The following ITGA4 variants were observed in gnomAD, a reference collection of about 807,000 sequenced individuals.
ITGA4 encodes the protein integrin subunit alpha 4.
In ITGA4, 63 loss-of-function variants were observed where a neutral mutation model predicts 133.6. The observed-to-expected ratio is 0.47, with a 90% CI of 0.38 to 0.58. The LOEUF (loss-of-function observed/expected upper bound fraction) is 0.58. ITGA4 is among the 20% of genes least tolerant of loss of function. The pLI, the probability that ITGA4 is intolerant of heterozygous loss-of-function variation, is 0.00. For missense variants in ITGA4, 1,076 were observed against 1,252.7 expected, an observed-to-expected ratio of 0.86 and a Z score of 2.13; for synonymous variants, 483 against 438.0, an observed-to-expected ratio of 1.10 and a Z score of -1.28.
chr2:181,480,117 T>C lies in ITGA4; in HGVS notation c.625-20T>C. The C allele has an allele frequency of 7.2e-7, 1 of 1,384,064 alleles. No homozygotes were observed. The highest frequency in any genetic ancestry group is 9.5e-7 in the Non-Finnish European group (1 of 1,052,008). 85.7% of individuals were successfully genotyped at this position (1,384,064 alleles called of 1,614,324 possible). On this transcript the variant is annotated intron_variant, in intron 5 of 27. Transcript: ENST00000397033. ...GGTGAGATTAAAGTTTAAATAATAA[T>C]AGTTTTTTTTTTCTTACAGGATTTA...
In ITGA4 at chr2:181,537,830, AC is replaced by A; in HGVS notation, c.*2304del. On this transcript the variant is annotated 3_prime_UTR_variant, in exon 28 of 28. Coordinates refer to ENST00000397033, the MANE Select transcript of ITGA4 (RefSeq NM_000885.6). ...AAGCCCTAGAGGCTAATTGTTAGTA[AC>A]ATCAATTTCTATTAGGATATCCGTT... is the stretch of plus-strand genomic sequence containing the variant. The A allele has an allele frequency of 2.1e-6, 1 of 483,954 alleles. No individual in the cohort carries two copies. Among genetic ancestry groups the A allele is most frequent in the Non-Finnish European group, 4.1e-6 (1 of 246,812 alleles). The allele number at this position is 483,954 out of a possible 1,614,324, so 30.0% of individuals were successfully genotyped here.
intron 9 of ITGA4, 27 bp downstream of exon 9, chr2:181,482,678 C>T (rs759756787): frequency 6.2e-7 from 1 of 1,603,502 alleles, no homozygotes; most frequent in Non-Finnish European, 8.5e-7. Context: ...CAACTGGAAG[C>T]CATTTATGGA....
intron 16 of ITGA4, among the ~76,000 whole-genome samples, chr2:181,511,068 C>T (rs17304344): frequency 0.25 from 38,297 of 151,884 alleles, 5,298 homozygotes; most frequent in Non-Finnish European, 0.31. Flanking sequence ...CTGTCTCTCT[C>T]TACCTGTTCC....
intron 2 of ITGA4, among the ~76,000 whole-genome samples, chr2:181,470,675 A>G (rs967737943): frequency 5.3e-5 from 8 of 151,952 alleles, no homozygotes; most frequent in African/African-American, 1.9e-4. Flanking sequence ...CTGATCATGT[A>G]GCAGTCTTAC....
At position 181,537,735 on chromosome 2, in the gene ITGA4, ATTGTAAAAAAAAGAAT is replaced by A. The variant is rs1169684810; in HGVS notation, c.*2212_*2227del. 1 of 441,138 alleles carries A rather than the reference ATTGTAAAAAAAAGAAT, an allele frequency of 2.3e-6. No individual in the cohort carries two copies. The highest frequency in any genetic ancestry group is 1.6e-5 in the South Asian group (1 of 61,988). The allele number at this position is 441,138 out of a possible 1,614,324, so 27.3% of individuals were successfully genotyped here. A position where few individuals can be genotyped will look rare whatever the true frequency, so the allele number is the denominator to read the frequency against. On this transcript the variant is annotated 3_prime_UTR_variant, in exon 28 of 28. Transcript: ENST00000397033. ...GTTTTTTTGTGTGTCCAATAAACACATTGTAAAAAAAAGAATTTGAATTGATATCTAAAAACAGAAT... is the reference window on the plus strand; with the variant it reads ...GTTTTTTTGTGTGTCCAATAAACACATTGAATTGATATCTAAAAACAGAAT...
chr2:181,514,565 T>C (rs1470809450), intron 17 of ITGA4, among the ~76,000 whole-genome samples: 2 of 152,106 alleles, frequency 1.3e-5, no homozygotes, highest in African/African-American at 4.8e-5. Flanking sequence ...GAATAACTTA[T>C]AATCTTCCCA....
chr2:181,538,194 A>G lies in ITGA4; in HGVS notation c.*2667A>G, dbSNP rs1383978173. 5.1e-6 allele frequency: 8 copies of G among 1,576,864 alleles called. No homozygotes were observed. The highest frequency in any genetic ancestry group is 6.1e-6 in the Non-Finnish European group (7 of 1,147,444). On this transcript the variant is annotated 3_prime_UTR_variant, in exon 28 of 28. Transcript: ENST00000397033. ...AGAAACAATTACATGTTACTTTGGA[A>G]TCATTTCTTCCATGCTTCCTCCATA...
At chr2:181,524,738 C>T (rs1686798326) in intron 20 of ITGA4, among the ~76,000 whole-genome samples, 2 of 151,980 alleles carry the variant, frequency 1.3e-5, no homozygotes, top group Non-Finnish European at 2.9e-5. Flanking sequence ...ATAAGTAAAA[C>T]TGATTATAAA....
At position 181,534,320 on chromosome 2, in the gene ITGA4, G is replaced by C. The variant is rs1324808411; in HGVS notation, c.2833G>C (p.Glu945Gln). The C allele has an allele frequency of 6.2e-7, 1 of 1,611,844 alleles. No individual in the cohort carries two copies. Among genetic ancestry groups the C allele is most frequent in the South Asian group, 1.1e-5 (1 of 91,006 alleles). The change falls in exon 26 of 28, where the codon GAG becomes CAG. Residue 945 changes from glutamate (E) to glutamine (Q), a missense_variant. Glu to Gln is a conservative substitution (Grantham distance 29). Coordinates refer to ENST00000397033, the MANE Select transcript of ITGA4 (RefSeq NM_000885.6). The part of the protein sequence containing the change: ...KFEIRATGFP[E>Q]PNPRVIELNK... ...TGAAATAAGAGCAACAGGTTTTCCA[G>C]AGCCAAATCCAAGAGTAATTGAACT...
At chr2:181,525,172 AT>A (rs1424491528) in intron 20 of ITGA4, 29 bp from the exon 21 acceptor site, 1 of 1,287,196 alleles carries the variant, frequency 7.8e-7, no homozygotes, top group Non-Finnish European at 1.1e-6. Context: ...TGCTTGGTGA[AT>A]TCTAACAGGG....
chr2:181,498,783 G>A lies in ITGA4; in HGVS notation c.1695+6G>A, dbSNP rs771551731. 21 of 1,584,808 alleles carry A rather than the reference G, an allele frequency of 1.3e-5. No homozygotes were observed. The highest frequency in any genetic ancestry group is 2.3e-5 in the East Asian group (1 of 43,954). The stretch of plus-strand genomic sequence containing the variant: ...CACATCAAGCATTTATGCGGGTAAT[G>A]TAAGCTATTTTTTATTAATGAATAT... On this transcript the variant is annotated splice_donor_region_variant and intron_variant, in intron 15 of 27. Coordinates refer to ENST00000397033, the MANE Select transcript of ITGA4 (RefSeq NM_000885.6).
chr2:181,514,501 C>A (rs570541160), intron 17 of ITGA4, among the ~76,000 whole-genome samples: 3 of 150,120 alleles, frequency 2.0e-5, no homozygotes, highest in Admixed American at 2.0e-4. Context: ...ACAGAGACTA[C>A]GGACTACTTT....
intron 25 of ITGA4, among the ~76,000 whole-genome samples, chr2:181,533,123 G>T (rs116034396): frequency 1.1e-4 from 16 of 152,202 alleles, no homozygotes; most frequent in South Asian, 4.1e-4. Context: ...TATTTATGAG[G>T]AGTAGTTTGA....
At position 181,509,733 on chromosome 2, in the gene ITGA4, C is replaced by T. The variant is rs753898074; in HGVS notation, c.1771C>T (p.Arg591Ter). ...CCTTGGTCCTCATGTCATCAGTAAA[C>T]GAAGTACAGAGGAATTCCCACCACT... is the stretch of plus-strand genomic sequence containing the variant. ...YHLGPHVISKRSTEEFPPLQP... is the reference protein window; with the variant it reads ...YHLGPHVISK The change falls in exon 16 of 28, where the codon CGA becomes TGA. Residue 591 changes from arginine (R) to a stop codon, truncating the protein, a stop_gained. Coordinates refer to ENST00000397033, the MANE Select transcript of ITGA4 (RefSeq NM_000885.6). LOFTEE classifies it high-confidence loss of function. 3 of 1,610,352 alleles carry T rather than the reference C, an allele frequency of 1.9e-6. No individual in the cohort carries two copies. The highest frequency in any genetic ancestry group is 1.3e-5 in the African/African-American group (1 of 74,690).
At position 181,513,544 on chromosome 2, in the gene ITGA4, T is replaced by C. The variant is rs751225522; in HGVS notation, c.1922+1769T>C. On this transcript the variant is annotated intron_variant, in intron 17 of 27. Coordinates refer to ENST00000397033, the MANE Select transcript of ITGA4 (RefSeq NM_000885.6). ...ACTCCAAACTAGGCACTCACTATCCTACCTAGGTCACTAAGTTCTCCTGCT... is the reference window on the plus strand; with the variant it reads ...ACTCCAAACTAGGCACTCACTATCCCACCTAGGTCACTAAGTTCTCCTGCT... 7.9e-5 allele frequency among the ~76,000 whole-genome samples: 12 copies of C among 152,244 alleles called. No homozygotes were observed. In the East Asian group the frequency reaches 9.7e-4, roughly 12 times the overall value.
intron 2 of ITGA4, among the ~76,000 whole-genome samples, chr2:181,467,678 T>C (rs1341306725): frequency 6.6e-6 from 1 of 152,206 alleles, no homozygotes; most frequent in Non-Finnish European, 1.5e-5. Context: ...CTATATTTTA[T>C]ATATTTTCAG....
At position 181,535,460 on chromosome 2, in the gene ITGA4, C is replaced by T. The variant is rs781174337; in HGVS notation, c.3032C>T (p.Ser1011Phe). The change falls in exon 28 of 28, where the codon TCT (serine) becomes TTT (phenylalanine). Residue 1011 changes from serine (S) to phenylalanine (F), a missense_variant. Physicochemically the swap from Ser to Phe is radical, Grantham distance 155 (BLOSUM62 -2). Transcript: ENST00000397033. ...GGCTTCTTTAAAAGACAATACAAAT[C>T]TATCCTACAAGAAGAAAACAGAAGA... is the stretch of plus-strand genomic sequence containing the variant. Reference protein sequence around the residue: ...KAGFFKRQYKSILQEENRRDS... With the variant: ...KAGFFKRQYKFILQEENRRDS... The T allele has an allele frequency of 1.2e-6, 2 of 1,609,516 alleles. No homozygotes were observed. Among genetic ancestry groups the T allele is most frequent in the Non-Finnish European group, 1.7e-6 (2 of 1,177,576 alleles).
chr2:181,459,997 A>T (rs1431915826), intron 2 of ITGA4, among the ~76,000 whole-genome samples: 1 of 152,222 alleles, frequency 6.6e-6, no homozygotes, highest in African/African-American at 2.4e-5. Flanking sequence ...CATGTGTAGC[A>T]TGGGAGTTGA....
chr2:181,506,532 A>T (rs760714411), intron 15 of ITGA4, among the ~76,000 whole-genome samples: 8 of 152,096 alleles, frequency 5.3e-5, no homozygotes, highest in Non-Finnish European at 1.2e-4. Context: ...GCTTTTAACC[A>T]CTATATACAT....
Sources: allele counts gnomAD v4.1 joint callset (sites outside exome capture counted in the v4.1 genomes callset), GRCh38; gene constraint gnomAD v4.1.1; transcripts MANE v1.5; gene names NCBI Gene and HGNC (gene_info 2026-07-23, HGNC 2026-07-21).